The following NTRK3 variants were observed in gnomAD, a reference collection of about 807,000 sequenced individuals.
NTRK3 encodes neurotrophic receptor tyrosine kinase 3.
In NTRK3, 24 loss-of-function variants were observed where a neutral mutation model predicts 91.7. The observed-to-expected ratio is 0.26, with a 90% CI of 0.19 to 0.37. The LOEUF is 0.37. NTRK3 is among the 10% of genes least tolerant of loss of function. NTRK3 has a pLI of 1.00. For synonymous variants in NTRK3, 483 were observed against 404.0 expected (o/e 1.20, Z -2.34); for missense variants, 880 against 1,068.9 (o/e 0.82, Z 2.46).
chr15:88,169,141 G>T (rs1287469360), intron 5 of NTRK3, among the ~76,000 whole-genome samples: 1 of 152,182 alleles, frequency 6.6e-6, no homozygotes, highest in Non-Finnish European at 1.5e-5. Flanking sequence ...TGGTCTTGAG[G>T]CTGGTCCCAC....
chr15:88,127,099 C>T (rs2151116171), intron 12 of NTRK3, 63 bp downstream of exon 12: 1 of 1,396,596 alleles, frequency 7.2e-7, no homozygotes, highest in Admixed American at 1.7e-5. Flanking sequence ...GTTAGCAACA[C>T]AAATGAAGTC....
At chr15:88,045,572 CA>C (rs959293862) in intron 13 of NTRK3, among the ~76,000 whole-genome samples, 2 of 152,202 alleles carry the variant, frequency 1.3e-5, no homozygotes, top group Admixed American at 1.3e-4. Context: ...CTAGAGCTGC[CA>C]TAACAACCAC....
chr15:87,959,489 C>T (rs1401343338), intron 14 of NTRK3, among the ~76,000 whole-genome samples: 1 of 152,186 alleles, frequency 6.6e-6, no homozygotes, highest in Non-Finnish European at 1.5e-5. Flanking sequence ...CCAAGGCAGG[C>T]GTGCTAGTTA....
At chr15:88,165,436 T>C (rs534800150) in intron 5 of NTRK3, among the ~76,000 whole-genome samples, 1 of 152,308 alleles carries the variant, frequency 6.6e-6, no homozygotes, top group Admixed American at 6.5e-5. Flanking sequence ...ATTTAAAATC[T>C]TGAGATCTGA....
At chr15:88,026,248 G>A (rs1319305359) in intron 14 of NTRK3, among the ~76,000 whole-genome samples, 2 of 152,088 alleles carry the variant, frequency 1.3e-5, no homozygotes, top group East Asian at 3.9e-4. Flanking sequence ...TCCAGCCTGG[G>A]CGACAGAGTG....
intron 14 of NTRK3, chr15:87,981,188 C>A (rs1411436153): frequency 6.4e-7 from 1 of 1,553,512 alleles, no homozygotes; most frequent in Admixed American, 2.0e-5. Context: ...GGGGAGGGAT[C>A]TTTACTGCAT....
intron 17 of NTRK3, among the ~76,000 whole-genome samples, chr15:87,909,373 C>T (rs1375342872): frequency 6.6e-6 from 1 of 152,172 alleles, no homozygotes; most frequent in Non-Finnish European, 1.5e-5. Context: ...AGACAAGAGA[C>T]ACAGTCTCTG....
At chr15:88,051,489 AC>A (rs1393913316) in intron 13 of NTRK3, among the ~76,000 whole-genome samples, 1 of 152,230 alleles carries the variant, frequency 6.6e-6, no homozygotes, top group African/African-American at 2.4e-5. Flanking sequence ...AGAAAAGGCA[AC>A]AGTGTTTATC....
chr15:88,028,425 A>G (rs2078229382), intron 14 of NTRK3, among the ~76,000 whole-genome samples: 1 of 152,238 alleles, frequency 6.6e-6, no homozygotes, highest in African/African-American at 2.4e-5. Flanking sequence ...TCAAAGGAAC[A>G]TGGTCAGGTT....
chr15:87,863,875 A>C (rs1419931605), exon 19 of NTRK3: 1 of 232,014 alleles, frequency 4.3e-6, no homozygotes, highest in Non-Finnish European at 8.5e-6. Context: ...TTATTGTCAC[A>C]TTCTGAGAAA....
chr15:87,915,979 T>G (rs1280005363), intron 17 of NTRK3, among the ~76,000 whole-genome samples: 1 of 152,190 alleles, frequency 6.6e-6, no homozygotes, highest in East Asian at 1.9e-4. Context: ...CTATCAACTT[T>G]CCTACCTCCA....
exon 19 of NTRK3, chr15:87,873,834 A>T: frequency 4.3e-6 from 1 of 231,874 alleles, no homozygotes; most frequent in East Asian, 6.1e-5. Flanking sequence ...CGAAATGTTG[A>T]GACAAGGGGC....
chr15:87,980,397 G>T (rs2074129202), intron 14 of NTRK3, among the ~76,000 whole-genome samples: 1 of 152,134 alleles, frequency 6.6e-6, no homozygotes, highest in African/African-American at 2.4e-5. Flanking sequence ...ATGTGTGTTT[G>T]CATGTGTATT....
intron 10 of NTRK3, among the ~76,000 whole-genome samples, chr15:88,130,545 G>A (rs1400375620): frequency 1.3e-5 from 2 of 152,052 alleles, no homozygotes; most frequent in African/African-American, 2.4e-5. Context: ...AACACCCCCA[G>A]TACCAAAACC....
At chr15:88,000,407 T>C (rs2076019615) in intron 14 of NTRK3, among the ~76,000 whole-genome samples, 1 of 152,178 alleles carries the variant, frequency 6.6e-6, no homozygotes, top group African/African-American at 2.4e-5. Context: ...GAATCATTTA[T>C]GGAAATATAA....
intron 5 of NTRK3, among the ~76,000 whole-genome samples, chr15:88,172,783 G>A (rs1392095209): frequency 6.6e-6 from 1 of 152,136 alleles, no homozygotes; most frequent in Non-Finnish European, 1.5e-5. Context: ...ATCGGGGGTT[G>A]GGGGGCATGA....
At chr15:88,071,661 T>C (rs1049587280) in intron 13 of NTRK3, among the ~76,000 whole-genome samples, 8 of 152,222 alleles carry the variant, frequency 5.3e-5, no homozygotes, top group Non-Finnish European at 1.5e-5. Context: ...TCCCATTTTA[T>C]AGCTAGGATC....
At chr15:88,075,904 T>C (rs1247380317) in intron 13 of NTRK3, among the ~76,000 whole-genome samples, 1 of 152,148 alleles carries the variant, frequency 6.6e-6, no homozygotes, top group African/African-American at 2.4e-5. Context: ...ATAAGGATAG[T>C]CATACGTACT....
At chr15:87,922,671 C>A (rs1052228081) in intron 17 of NTRK3, among the ~76,000 whole-genome samples, 3 of 152,186 alleles carry the variant, frequency 2.0e-5, no homozygotes, top group African/African-American at 7.2e-5. Context: ...ACAATACAGG[C>A]TTTTAGTCAA....
Sources: gnomAD v4.1 joint callset for allele counts (sites outside exome capture counted in the v4.1 genomes callset) on GRCh38, gnomAD v4.1.1 for gene constraint, MANE v1.5 for transcripts, NCBI Gene and HGNC (gene_info 2026-07-23, HGNC 2026-07-21) for gene names.